The following TTLL12 variants were observed in gnomAD, a reference collection of about 807,000 sequenced individuals.
TTLL12 encodes the protein tubulin tyrosine ligase like 12.
Under a neutral mutation model 79.6 loss-of-function variants are expected in TTLL12, and 77 were observed. The observed-to-expected ratio is 0.97, with a 90% confidence interval of 0.81 to 1.17. The LOEUF is 1.17. Ranked by LOEUF, TTLL12 falls within the 50% of genes most tolerant of loss-of-function variation. TTLL12 has a pLI of 0.00. For synonymous variants in TTLL12, 437 were observed against 376.1 expected (o/e 1.16, Z -1.87); for missense variants, 969 against 895.9 (o/e 1.08, Z -1.04).
In TTLL12 at chr22:43,168,174, CGCA is replaced by C. The variant is rs746653262; in HGVS notation, c.1784-18_1784-16del. ...CACCCGCCTTCCTGATGGCAAAGAG[CGCA>C]GCAGAGTGTGAAGGCTCGTTGGCCT... On this transcript the variant is annotated splice_polypyrimidine_tract_variant and intron_variant, in intron 13 of 13. Transcript: ENST00000216129. 7 of 1,612,854 alleles carry C rather than the reference CGCA, an allele frequency of 4.3e-6. No individual in the cohort carries two copies. The highest frequency in any genetic ancestry group is 5.9e-6 in the Non-Finnish European group (7 of 1,179,118).
chr22:43,182,932 C>G (rs1280737938), intron 2 of TTLL12, 48 bp downstream of exon 2: 1 of 1,592,956 alleles, frequency 6.3e-7, no homozygotes, highest in Non-Finnish European at 8.6e-7. Flanking sequence ...GCATCTCCCA[C>G]CTTTCACCAA....
chr22:43,168,258 C>A, intron 13 of TTLL12, 99 bp from the exon 14 acceptor site: 1 of 1,502,320 alleles, frequency 6.7e-7, no homozygotes, highest in Non-Finnish European at 9.0e-7. Context: ...GGCCATGAAC[C>A]TGGGCCCTGA....
At chr22:43,185,119 T>C (rs1452722506) in intron 1 of TTLL12, among the ~76,000 whole-genome samples, 1 of 151,256 alleles carries the variant, frequency 6.6e-6, no homozygotes, top group African/African-American at 2.4e-5. Context: ...TCCCAGCTAC[T>C]CGGGAGGCTG....
rs1931845801 is a variant in TTLL12, at chr22:43,174,319, G to A, written c.1119C>T (p.Ser373=). The stretch of plus-strand genomic sequence containing the variant: ...CGGGGCCACCTGCCCGGCGCGCGAT[G>A]GAGGCCAGGCAGTCCTTGACAGTCA... ...NLLTVKDCLA[S]IARRAGGPEG... is the part of the protein sequence containing the mutation. The change falls in exon 8 of 14, where the codon TCC becomes TCT. Residue 373 remains serine, a synonymous_variant. Transcript: ENST00000216129. 1.2e-6 allele frequency: 2 copies of A among 1,610,386 alleles called. No individual in the cohort carries two copies. Among genetic ancestry groups the A allele is most frequent in the Non-Finnish European group, 1.7e-6 (2 of 1,178,742 alleles).
intron 11 of TTLL12, among the ~76,000 whole-genome samples, chr22:43,171,445 G>T (rs1243880790): frequency 1.3e-5 from 2 of 152,328 alleles, no homozygotes; most frequent in Middle Eastern, 3.4e-3. Context: ...GACCAGGTGG[G>T]GCCTCCCCGC....
intron 9 of TTLL12, among the ~76,000 whole-genome samples, chr22:43,173,505 C>G (rs183524180): frequency 6.6e-6 from 1 of 152,122 alleles, no homozygotes; most frequent in African/African-American, 2.4e-5. Context: ...CTTGTAGAAA[C>G]GAGGTCTCCC....
chr22:43,169,404 G>A, intron 12 of TTLL12, 96 bp downstream of exon 12: 2 of 1,112,926 alleles, frequency 1.8e-6, no homozygotes, highest in South Asian at 3.2e-5. Context: ...GTCCCTCCCA[G>A]CCCATGCCAG....
chr22:43,179,853 G>T lies in TTLL12; in HGVS notation c.694C>A (p.Leu232Met). Reference protein sequence around the residue: ...AYTLLWPLRDLDTGEEVTRDF... With the variant: ...AYTLLWPLRDMDTGEEVTRDF... ...GTGCTGGACTTACCGCCAGTGTCCA[G>T]GTCCCTCAGGGGCCACAGCAGCGTG... is the stretch of plus-strand genomic sequence containing the variant. The change falls in exon 4 of 14, where the codon CTG becomes ATG. Residue 232 changes from leucine (L) to methionine (M), a missense_variant. Physicochemically the swap from Leu to Met is conservative, Grantham distance 15. Coordinates refer to ENST00000216129, the MANE Select transcript of TTLL12 (RefSeq NM_015140.4). The T allele has an allele frequency of 6.3e-7, 1 of 1,594,034 alleles. No individual in the cohort carries two copies.
intron 10 of TTLL12, 31 bp downstream of exon 10, chr22:43,172,372 C>T (rs750339742): frequency 2.5e-6 from 4 of 1,607,544 alleles, no homozygotes; most frequent in African/African-American, 1.3e-5. Flanking sequence ...CCCAGCTCCC[C>T]GACCCTGGAC....
rs927675123 is a variant in TTLL12, at chr22:43,168,777, C to G, written c.1780G>C (p.Asp594His). ...DLMLKWDNGP[D>H]GRRVMQPQIL... ...GGAGATGGGGAGCCCCTCTTACCATCTGGGCCGTTGTCCCACTTCAGCATG... is the reference window on the plus strand; with the variant it reads ...GGAGATGGGGAGCCCCTCTTACCATGTGGGCCGTTGTCCCACTTCAGCATG... Residue 594 changes from aspartate (D) to histidine (H), a missense_variant, in exon 13 of 14, where the codon GAT becomes CAT. By Grantham distance (81) the Asp-to-His change is moderately conservative. Transcript: ENST00000216129. The G allele has an allele frequency of 2.6e-6, 4 of 1,556,756 alleles. No homozygotes were observed. The highest frequency in any genetic ancestry group is 2.4e-5 in the South Asian group (2 of 84,538).
chr22:43,174,069 C>T (rs1348473954), intron 8 of TTLL12, 140 bp downstream of exon 8: 61 of 1,206,664 alleles, frequency 5.1e-5, no homozygotes, highest in Non-Finnish European at 6.0e-5. Flanking sequence ...TCCGTGAAGA[C>T]GGCCGTGACG....
intron 1 of TTLL12, chr22:43,186,147 G>T: frequency 4.0e-6 from 1 of 251,244 alleles, no homozygotes; most frequent in Non-Finnish European, 6.2e-6. Context: ...CCGTCCGGGA[G>T]ACAGCACCTG....
At chr22:43,168,613 G>A (rs1452874636) in intron 13 of TTLL12, among the ~76,000 whole-genome samples, 161 bp downstream of exon 13, 2 of 152,138 alleles carry the variant, frequency 1.3e-5, no homozygotes, top group African/African-American at 4.8e-5. Context: ...TGCACCGCAG[G>A]CACTTCCTGT....
intron 11 of TTLL12, among the ~76,000 whole-genome samples, chr22:43,170,665 C>CT (rs1241547808): frequency 2.0e-5 from 3 of 152,210 alleles, no homozygotes; most frequent in Admixed American, 6.5e-5. Flanking sequence ...AATCCCAGCA[C>CT]TTTAGGAGGC....
intron 5 of TTLL12, among the ~76,000 whole-genome samples, chr22:43,179,323 T>C (rs1931992210): frequency 6.6e-6 from 1 of 152,060 alleles, no homozygotes. Context: ...GTGGGGCTCA[T>C]GGCCAAGACC....
At chr22:43,176,645 G>C (rs8139270) in intron 5 of TTLL12, among the ~76,000 whole-genome samples, 1 of 146,752 alleles carries the variant, frequency 6.8e-6, no homozygotes. Context: ...CAGGAGAATC[G>C]CTTGAACCCG....
chr22:43,185,770 G>T (rs1012919483), intron 1 of TTLL12, among the ~76,000 whole-genome samples: 4 of 152,218 alleles, frequency 2.6e-5, no homozygotes, highest in African/African-American at 4.8e-5. Flanking sequence ...AGGCTGGCTG[G>T]GCAGGAGCTG....
intron 1 of TTLL12, among the ~76,000 whole-genome samples, chr22:43,185,089 G>T (rs923846768): frequency 2.0e-5 from 3 of 151,702 alleles, no homozygotes; most frequent in Non-Finnish European, 4.4e-5. Flanking sequence ...TTAGCTGGGT[G>T]TGGTGGCGCA....
chr22:43,172,041 C>T, intron 10 of TTLL12, 141 bp from the exon 11 acceptor site: 1 of 739,036 alleles, frequency 1.4e-6, no homozygotes, highest in Non-Finnish European at 2.3e-6. Flanking sequence ...AGCCTGTTCC[C>T]TTGTCTGTGT....
Sources: allele counts gnomAD v4.1 joint callset (sites outside exome capture counted in the v4.1 genomes callset), GRCh38; gene constraint gnomAD v4.1.1; transcripts MANE v1.5; gene names NCBI Gene and HGNC (gene_info 2026-07-23, HGNC 2026-07-21).